Variants in TUBGCP3 observed in about 807,000 individuals in gnomAD.
TUBGCP3 encodes gamma-tubulin complex component 3.
TUBGCP3 carries 50 observed loss-of-function variants against 123.1 expected under a neutral mutation model. The observed-to-expected ratio is 0.41, with a 90% CI of 0.32 to 0.51. The LOEUF is 0.51. Ranked by LOEUF, TUBGCP3 falls within the 20% of genes least tolerant of loss-of-function variation. The pLI is 0.36. For missense variants in TUBGCP3, 882 were observed against 1,127.0 expected, an observed-to-expected ratio of 0.78 and a Z score of 3.11; for synonymous variants, 405 against 413.9, an observed-to-expected ratio of 0.98 and a Z score of 0.26.
Position 112,587,797 on chromosome 13 carries a change from CCGGCCCTGCATCCT to C in TUBGCP3, c.76+94_76+107del. ...CTCGGCCCGTCCCCCAGCCCTCTGC[CCGGCCCTGCATCCT>C]CGTTCCTCCAGCCCCGGAACGTATT... On this transcript the variant is annotated intron_variant, in intron 1 of 21. Transcript: ENST00000261965. 3 of 1,026,654 alleles carry C rather than the reference CCGGCCCTGCATCCT, an allele frequency of 2.9e-6. No homozygotes were observed. In the South Asian group the frequency reaches 5.0e-5, roughly 17 times the overall value. 63.6% of individuals were successfully genotyped at this position (1,026,654 alleles called of 1,614,324 possible). A position where few individuals can be genotyped will look rare whatever the true frequency, so the allele number is the denominator to read the frequency against.
chr13:112,500,492 T>C (rs755980272), intron 19 of TUBGCP3, among the ~76,000 whole-genome samples: 1 of 152,170 alleles, frequency 6.6e-6, no homozygotes, highest in African/African-American at 2.4e-5. Flanking sequence ...ATAAAAAATA[T>C]GCGCCAAGAA....
chr13:112,538,487 A>G (rs1301791102), intron 11 of TUBGCP3, among the ~76,000 whole-genome samples: 1 of 152,012 alleles, frequency 6.6e-6, no homozygotes, highest in Non-Finnish European at 1.5e-5. Context: ...TCCCTCTTTT[A>G]ACTTTCTGTT....
intron 20 of TUBGCP3, among the ~76,000 whole-genome samples, chr13:112,494,488 C>T (rs561987445): frequency 2.0e-5 from 3 of 152,364 alleles, no homozygotes; most frequent in South Asian, 2.1e-4. Flanking sequence ...CCAGGCCCCA[C>T]GGCTCTCAGC....
chr13:112,573,207 C>T (rs1304856378), intron 1 of TUBGCP3, among the ~76,000 whole-genome samples: 2 of 150,748 alleles, frequency 1.3e-5, no homozygotes, highest in Non-Finnish European at 1.5e-5. Flanking sequence ...ATAACACATC[C>T]ATGAAACAAA....
chr13:112,518,464 T>C (rs565205907), intron 16 of TUBGCP3, among the ~76,000 whole-genome samples: 2 of 152,360 alleles, frequency 1.3e-5, no homozygotes, highest in South Asian at 2.1e-4. Flanking sequence ...AAAAGAGGCA[T>C]TTTAATTGCA....
chr13:112,570,341 C>T (rs1881302351), intron 1 of TUBGCP3, among the ~76,000 whole-genome samples: 3 of 152,182 alleles, frequency 2.0e-5, no homozygotes, highest in African/African-American at 7.2e-5. Context: ...CAAATTCAGA[C>T]AGACCACAGA....
chr13:112,531,932 A>C (rs1330125215), intron 11 of TUBGCP3, among the ~76,000 whole-genome samples: 1 of 152,232 alleles, frequency 6.6e-6, no homozygotes, highest in East Asian at 1.9e-4. Context: ...AATTAAGAAA[A>C]AAAATAAAAC....
intron 21 of TUBGCP3, among the ~76,000 whole-genome samples, chr13:112,487,053 ATGTGTGTGTGTGTG>A (rs10522089): frequency 2.0e-5 from 3 of 147,410 alleles, no homozygotes; most frequent in African/African-American, 7.5e-5. Context: ...AACACTGTGT[ATGTGTGTGTGTGTG>A]TGTGTGTGTG....
intron 1 of TUBGCP3, among the ~76,000 whole-genome samples, chr13:112,579,012 T>C (rs376795480): frequency 1.6e-4 from 24 of 152,160 alleles, no homozygotes; most frequent in African/African-American, 2.4e-4. Context: ...AATTCATACA[T>C]TGGCCTTCAT....
chr13:112,573,059 G>A (rs1881539710), intron 1 of TUBGCP3, among the ~76,000 whole-genome samples: 1 of 151,822 alleles, frequency 6.6e-6, no homozygotes, highest in Non-Finnish European at 1.5e-5. Context: ...CCAGATACCT[G>A]AGGGCATCAT....
rs117094109 is a variant in TUBGCP3, at chr13:112,502,174, T to C, written c.2307+1858A>G. 9.2e-4 allele frequency among the ~76,000 whole-genome samples: 140 copies of C among 152,360 alleles called. 4 individuals carry two copies. In the East Asian group the frequency reaches 0.02, roughly 21 times the overall value. Reference sequence around the variant, plus strand: ...TATGGTCAACATTATACTTGAATTATACAATTCTTACAAATCTGTTGAAGA... The same window carrying C: ...TATGGTCAACATTATACTTGAATTACACAATTCTTACAAATCTGTTGAAGA... On this transcript the variant is annotated intron_variant, in intron 19 of 21. Coordinates refer to ENST00000261965, the MANE Select transcript of TUBGCP3 (RefSeq NM_006322.6).
chr13:112,513,654 G>A (rs778406618), intron 17 of TUBGCP3, among the ~76,000 whole-genome samples: 53 of 152,278 alleles, frequency 3.5e-4, no homozygotes, highest in African/African-American at 8.4e-4. Flanking sequence ...CATTTCTAAC[G>A]CGCTGGATTA....
At chr13:112,591,603 C>A (rs1199164897), upstream of TUBGCP3, among the ~76,000 whole-genome samples, 2 of 152,222 alleles carry the variant, frequency 1.3e-5, no homozygotes, top group African/African-American at 4.8e-5. Context: ...GTGGTTCTGG[C>A]CTACCATGGT....
chr13:112,593,502 A>G, the TUBGCP3 span, among the ~76,000 whole-genome samples: 1 of 152,192 alleles, frequency 6.6e-6, no homozygotes, highest in African/African-American at 2.4e-5. Flanking sequence ...GTGAAACTCC[A>G]TCTCTACTAA....
chr13:112,593,781 T>C, the TUBGCP3 span, among the ~76,000 whole-genome samples: 1 of 151,522 alleles, frequency 6.6e-6, no homozygotes, highest in Non-Finnish European at 1.5e-5. Context: ...GAAAACAAAC[T>C]GATCAGATTT....
intron 3 of TUBGCP3, among the ~76,000 whole-genome samples, chr13:112,564,003 T>G (rs1880751874): frequency 6.6e-6 from 1 of 152,144 alleles, no homozygotes; most frequent in African/African-American, 2.4e-5. Context: ...AAATATGGTA[T>G]CCAATAAGCA....
At chr13:112,506,075 T>C (rs1264612396) in intron 17 of TUBGCP3, among the ~76,000 whole-genome samples, 1 of 152,024 alleles carries the variant, frequency 6.6e-6, no homozygotes, top group Non-Finnish European at 1.5e-5. Context: ...AAAATAAATT[T>C]CAAAAGACAA....
chr13:112,527,401 C>T lies in TUBGCP3; in HGVS notation c.1419G>A (p.Ser473=), dbSNP rs758923521. ...KYTLRKSMIP[S]FMTMDQSRKV... ...TCCTAGACTGATCCATCGTCATAAA[C>T]GAAGGAATCATCGATTTCCTCAAAG... Residue 473 remains serine, a synonymous_variant, in exon 12 of 22, where the codon TCG becomes TCA. Coordinates refer to ENST00000261965, the MANE Select transcript of TUBGCP3 (RefSeq NM_006322.6). 1.2e-5 allele frequency: 19 copies of T among 1,591,876 alleles called. No individual in the cohort carries two copies. The highest frequency in any genetic ancestry group is 4.5e-5 in the East Asian group (2 of 44,728).
chr13:112,504,718 CAAGGG>C lies in TUBGCP3; in HGVS notation c.2087-9_2087-5del. ...TGGTGCAGCACCCCGGAGAACTCTGCAAGGGAAGAGTTGACGTCAGAGGTGCAATG... is the reference window on the plus strand; with the variant it reads ...TGGTGCAGCACCCCGGAGAACTCTGCAAGAGTTGACGTCAGAGGTGCAATG... On this transcript the variant is annotated splice_polypyrimidine_tract_variant and splice_region_variant and intron_variant, in intron 17 of 21. Transcript: ENST00000261965. 1 of 1,612,764 alleles carries C rather than the reference CAAGGG, an allele frequency of 6.2e-7. No individual in the cohort carries two copies. Among genetic ancestry groups the C allele is most frequent in the Non-Finnish European group, 8.5e-7 (1 of 1,179,210 alleles).
Sources: gnomAD v4.1 joint callset for allele counts (sites outside exome capture counted in the v4.1 genomes callset) on GRCh38, gnomAD v4.1.1 for gene constraint, MANE v1.5 for transcripts, NCBI Gene and HGNC (gene_info 2026-07-23, HGNC 2026-07-21) for gene names.